The following BEST3 variants were observed in gnomAD, a reference collection of about 807,000 sequenced individuals.
The protein encoded by BEST3 is bestrophin 3.
Under a neutral mutation model 47.1 loss-of-function variants are expected in BEST3, and 50 were observed. That is an observed-to-expected ratio of 1.06 (90% CI 0.85 to 1.34). The LOEUF (loss-of-function observed/expected upper bound fraction) is 1.34. Among genes scored for constraint, BEST3 ranks in the 40% most tolerant of loss-of-function variants. The pLI, the probability that BEST3 is intolerant of heterozygous loss-of-function variation, is 0.00. For synonymous variants in BEST3, 282 were observed against 298.8 expected (o/e 0.94, Z 0.58); for missense variants, 765 against 817.0 (o/e 0.94, Z 0.78).
At chr12:69,646,736 C>G (rs1333901371) in intron 9 of BEST3, among the ~76,000 whole-genome samples, 1 of 152,198 alleles carries the variant, frequency 6.6e-6, no homozygotes, top group Non-Finnish European at 1.5e-5. Context: ...CAGAAATCTG[C>G]CTGTCTTCCT....
At chr12:69,676,862 G>A in intron 7 of BEST3, 54 bp downstream of exon 7, 1 of 1,552,790 alleles carries the variant, frequency 6.4e-7, no homozygotes, top group Non-Finnish European at 8.8e-7. Flanking sequence ...GGATTAGTGT[G>A]GAGAGTCTGG....
intron 5 of BEST3, among the ~76,000 whole-genome samples, chr12:69,677,591 G>T (rs1361346450): frequency 6.6e-6 from 1 of 152,114 alleles, no homozygotes. Context: ...GATAAGCCTG[G>T]GCAACATAGA....
chr12:69,646,216 G>A (rs1356598284), intron 9 of BEST3, among the ~76,000 whole-genome samples: 1 of 152,174 alleles, frequency 6.6e-6, no homozygotes, highest in Non-Finnish European at 1.5e-5. Context: ...GGGATTACAG[G>A]CGTGAGCCAC....
At chr12:69,658,397 C>T (rs997384294) in intron 9 of BEST3, among the ~76,000 whole-genome samples, 1 of 152,114 alleles carries the variant, frequency 6.6e-6, no homozygotes. Flanking sequence ...CAAGTTGCAA[C>T]AAGCAAACTG....
chr12:69,685,740 G>C (rs1179642646), intron 4 of BEST3, among the ~76,000 whole-genome samples: 1 of 152,094 alleles, frequency 6.6e-6, no homozygotes, highest in Non-Finnish European at 1.5e-5. Flanking sequence ...GATTCCCTAG[G>C]TTGCCTAGGA....
chr12:69,651,739 C>T (rs1365035059), downstream of BEST3, among the ~76,000 whole-genome samples: 2 of 144,484 alleles, frequency 1.4e-5, no homozygotes, highest in Admixed American at 7.1e-5. Context: ...TGTGCCACTG[C>T]ACTCCAGCTC....
At chr12:69,699,090 C>T (rs756235869) in intron 1 of BEST3, 115 bp downstream of exon 1, 80 of 551,920 alleles carry the variant, frequency 1.4e-4, no homozygotes, top group Non-Finnish European at 1.8e-4. Context: ...CCTTAATTAA[C>T]TTTCCTTTCT....
intron 9 of BEST3, among the ~76,000 whole-genome samples, chr12:69,658,995 G>T (rs569670593): frequency 6.6e-6 from 1 of 152,028 alleles, no homozygotes; most frequent in African/African-American, 2.4e-5. Flanking sequence ...ATGGTGGAAG[G>T]GTACACAAAA....
In BEST3 at chr12:69,661,246, T is replaced by C. The variant is rs192218456; in HGVS notation, c.1101-5433A>G. Reference sequence around the variant, plus strand: ...AGGTAAATATAGAGCTTCAAAAAGATTGAAAGATAAAACTGGATGATGCTT... The same window carrying C: ...AGGTAAATATAGAGCTTCAAAAAGACTGAAAGATAAAACTGGATGATGCTT... On this transcript the variant is annotated intron_variant, in intron 9 of 9. Transcript: ENST00000330891. 1.6e-3 allele frequency: 239 copies of C among 152,324 alleles called. 1 individual carries two copies. Among genetic ancestry groups the C allele is most frequent in the African/African-American group, 5.6e-3 (234 of 41,574 alleles). The allele number at this position is 152,324 out of a possible 1,614,324, so 9.4% of individuals were successfully genotyped here.
At chr12:69,665,790 T>A (rs959317795) in intron 9 of BEST3, among the ~76,000 whole-genome samples, 1 of 152,118 alleles carries the variant, frequency 6.6e-6, no homozygotes, top group African/African-American at 2.4e-5. Flanking sequence ...AAAAACATAG[T>A]CCATGGATAC....
downstream of BEST3, among the ~76,000 whole-genome samples, chr12:69,648,740 T>A (rs1240417961): frequency 6.6e-6 from 1 of 152,194 alleles, no homozygotes; most frequent in African/African-American, 2.4e-5. Context: ...CACCAATTCC[T>A]TGATGTTATT....
At chr12:69,648,459 G>A (rs1449884545) in intron 9 of BEST3, among the ~76,000 whole-genome samples, 1 of 152,144 alleles carries the variant, frequency 6.6e-6, no homozygotes, top group Non-Finnish European at 1.5e-5. Flanking sequence ...ACAAGCAAAG[G>A]GCTTCATGTT....
intron 4 of BEST3, chr12:69,689,307 C>T (rs1885815336): frequency 4.1e-6 from 4 of 979,010 alleles, no homozygotes; most frequent in Non-Finnish European, 3.6e-6. Context: ...TTCAGTGAGT[C>T]AGCGCTGCCG....
Position 69,655,756 on chromosome 12 carries a change from G to A in BEST3, c.1158C>T (p.Gly386=), listed in dbSNP as rs747590551. The change falls in exon 10 of 10, where the codon GGC becomes GGT. Residue 386 remains glycine, a synonymous_variant. Transcript: ENST00000330891. ...EEWLWDYEKH[G]HRHSMIRRVK... is the part of the protein sequence containing the mutation. ...CTCTTCTTATCATGGAATGCCGATG[G>A]CCATGCTTCTCATAATCCCACAGCC... is the stretch of plus-strand genomic sequence containing the variant. The A allele has an allele frequency of 8.1e-6, 13 of 1,613,620 alleles. No homozygotes were observed. Among genetic ancestry groups the A allele is most frequent in the Non-Finnish European group, 1.1e-5 (13 of 1,179,862 alleles).
At chr12:69,676,101 G>A (rs1220490675) in intron 7 of BEST3, among the ~76,000 whole-genome samples, 1 of 152,160 alleles carries the variant, frequency 6.6e-6, no homozygotes, top group African/African-American at 2.4e-5. Context: ...GGTGGTGAAG[G>A]GAGGGGAAGC....
chr12:69,657,145 G>T (rs1210172412), intron 9 of BEST3, among the ~76,000 whole-genome samples: 1 of 152,084 alleles, frequency 6.6e-6, no homozygotes, highest in African/African-American at 2.4e-5. Context: ...GCCCAGGCTG[G>T]AGTGTAGTGG....
At chr12:69,676,490 A>G (rs1453058798) in intron 7 of BEST3, among the ~76,000 whole-genome samples, 2 of 152,176 alleles carry the variant, frequency 1.3e-5, no homozygotes, top group Non-Finnish European at 2.9e-5. Flanking sequence ...GGGAATTGCA[A>G]TAACTATAGA....
chr12:69,669,692 C>T (rs1884442634), intron 9 of BEST3: 1 of 152,200 alleles, frequency 6.6e-6, no homozygotes, highest in Non-Finnish European at 1.5e-5. Flanking sequence ...ACAATCTCAT[C>T]TAATCTTCCC....
Position 69,655,153 on chromosome 12 carries a change from T to G in BEST3, c.1761A>C (p.Leu587=), listed in dbSNP as rs1883380936. The change falls in exon 10 of 10, where the codon CTA becomes CTC. Residue 587 remains leucine, a synonymous_variant. Coordinates refer to ENST00000330891, the MANE Select transcript of BEST3 (RefSeq NM_032735.3). The part of the protein sequence containing the change: ...NCEEDPGDTF[L]KRWSLPGFLG... ...GGAATCCCGGAAGACTCCACCTTTT[T>G]AGAAAGGTATCACCAGGGTCTTCTT... 1 of 1,614,040 alleles carries G rather than the reference T, an allele frequency of 6.2e-7. No individual in the cohort carries two copies. The highest frequency in any genetic ancestry group is 8.5e-7 in the Non-Finnish European group (1 of 1,180,016).
Sources: allele counts gnomAD v4.1 joint callset (sites outside exome capture counted in the v4.1 genomes callset), GRCh38; gene constraint gnomAD v4.1.1; transcripts MANE v1.5; gene names NCBI Gene and HGNC (gene_info 2026-07-23, HGNC 2026-07-21).